Variants in DMD observed in about 807,000 individuals in gnomAD.
The protein encoded by DMD is mutant dystrophin.
DMD carries 63 observed loss-of-function variants against 330.1 expected under a neutral mutation model. The observed-to-expected ratio is 0.19, with a 90% CI of 0.16 to 0.24. The LOEUF (loss-of-function observed/expected upper bound fraction) is 0.24. Ranked by LOEUF, DMD falls within the 10% of genes least tolerant of loss-of-function variation. DMD has a pLI of 1.00. For synonymous variants in DMD, 1,223 were observed against 959.8 expected, an observed-to-expected ratio of 1.27 and a Z score of -5.07; for missense variants, 3,344 against 2,684.1, an observed-to-expected ratio of 1.25 and a Z score of -5.43.
At chrX:32,131,010 C>A (rs1160281465) in intron 44 of DMD, among the ~76,000 whole-genome samples, 1 of 111,062 alleles carries the variant, frequency 9.0e-6, no homozygotes, top group Non-Finnish European at 1.9e-5. Flanking sequence ...TATGGTGAAA[C>A]CCCATCTCTA....
intron 61 of DMD, among the ~76,000 whole-genome samples, chrX:31,345,978 G>C (rs2058058737): frequency 9.0e-6 from 1 of 111,092 alleles, no homozygotes; most frequent in African/African-American, 3.3e-5. Context: ...CAGCCAACTG[G>C]AGACACACAT....
At chrX:31,180,113 C>A (rs1292180705) in intron 69 of DMD, among the ~76,000 whole-genome samples, 1 of 111,268 alleles carries the variant, frequency 9.0e-6, no homozygotes, top group African/African-American at 3.3e-5. Flanking sequence ...TCAATACAAC[C>A]ATGCACACAG....
At position 31,488,946 on chromosome X, in the gene DMD, T is replaced by C. The variant is rs2069034081; in HGVS notation, c.8547+7842A>G. 2.7e-5 allele frequency among the ~76,000 whole-genome samples: 3 copies of C among 111,897 alleles called. No homozygotes were observed. The Admixed American group carries it at 2.8e-4, about 11-fold the overall frequency. ...AAACTATGGCCTGCAAGACCATTCATTATCTGGCCTTTCCCTCTTTCTAGA... is the reference window on the plus strand; with the variant it reads ...AAACTATGGCCTGCAAGACCATTCACTATCTGGCCTTTCCCTCTTTCTAGA... On this transcript the variant is annotated intron_variant, in intron 57 of 78. Coordinates refer to ENST00000357033, the MANE Select transcript of DMD (RefSeq NM_004006.3).
At chrX:32,002,667 T>C (rs777379633) in intron 44 of DMD, among the ~76,000 whole-genome samples, 81 of 111,123 alleles carry the variant, frequency 7.3e-4, no homozygotes, top group Middle Eastern at 4.7e-3. Flanking sequence ...GCCTGAGCTC[T>C]AGGCCTCTGG....
chrX:32,633,260 A>T (rs187288522), intron 11 of DMD, among the ~76,000 whole-genome samples: 1 of 111,595 alleles, frequency 9.0e-6, no homozygotes, highest in East Asian at 2.8e-4. Context: ...CGAGATCATC[A>T]CTCTCAAGTT....
intron 64 of DMD, among the ~76,000 whole-genome samples, chrX:31,211,969 C>A (rs144965992): frequency 9.0e-6 from 1 of 110,919 alleles, no homozygotes; most frequent in Non-Finnish European, 1.9e-5. Flanking sequence ...TCAATAGGGA[C>A]AATTTAATTG....
intron 78 of DMD, among the ~76,000 whole-genome samples, chrX:31,122,983 G>C (rs1341783418): frequency 9.0e-6 from 1 of 111,294 alleles, no homozygotes; most frequent in Non-Finnish European, 1.9e-5. Flanking sequence ...ATTGTCTTTG[G>C]AACTGAAATG....
intron 52 of DMD, among the ~76,000 whole-genome samples, chrX:31,702,520 C>T (rs915335734): frequency 8.9e-6 from 1 of 111,876 alleles, no homozygotes; most frequent in South Asian, 3.7e-4. Context: ...CAAGAAGATG[C>T]CGAGTCACTT....
chrX:32,560,426 A>G (rs773916475), intron 16 of DMD, among the ~76,000 whole-genome samples: 3 of 111,240 alleles, frequency 2.7e-5, no homozygotes, highest in Non-Finnish European at 5.7e-5. Flanking sequence ...TAATTATAAT[A>G]AATTTCTTAC....
intron 74 of DMD, among the ~76,000 whole-genome samples, chrX:31,147,871 A>G (rs1380822499): frequency 8.9e-6 from 1 of 111,945 alleles, no homozygotes; most frequent in Non-Finnish European, 1.9e-5. Flanking sequence ...TCATGAGATT[A>G]AAAATTTTAT....
chrX:31,283,017 A>G lies in DMD; in HGVS notation c.9225-22001T>C, dbSNP rs1356429414. Among the ~76,000 whole-genome samples the G allele has an allele frequency of 2.7e-5, 3 of 111,464 alleles. No homozygotes were observed. The East Asian group carries it at 8.3e-4, about 31-fold the overall frequency. ...ACTTTTTCTATGAATCAATGTGTCA[A>G]CTCATTTTTTCAACTTTTCAAACTG... On this transcript the variant is annotated intron_variant, in intron 62 of 78. Transcript: ENST00000357033.
intron 16 of DMD, among the ~76,000 whole-genome samples, chrX:32,562,065 T>C (rs73459740): frequency 1.1e-3 from 125 of 111,827 alleles, no homozygotes; most frequent in African/African-American, 3.9e-3. Context: ...CCAAGGCAAT[T>C]AGAAAAAACT....
chrX:33,305,010 G>C (rs777213555), intron 1 of DMD, among the ~76,000 whole-genome samples: 115 of 108,901 alleles, frequency 1.1e-3, no homozygotes, highest in African/African-American at 3.7e-3. Context: ...TCAGTGTGGC[G>C]ATTCCTCAGG....
intron 9 of DMD, among the ~76,000 whole-genome samples, chrX:32,645,362 AC>A (rs779444444): frequency 8.9e-6 from 1 of 112,248 alleles, no homozygotes; most frequent in Admixed American, 9.5e-5. Context: ...CAAAATCCAC[AC>A]CAAATTAATA....
chrX:32,015,678 A>G (rs963858810), intron 44 of DMD, among the ~76,000 whole-genome samples: 62 of 112,024 alleles, frequency 5.5e-4, no homozygotes, highest in African/African-American at 1.9e-3. Flanking sequence ...ACCTTATCAT[A>G]GCAGCTTCCA....
intron 17 of DMD, among the ~76,000 whole-genome samples, chrX:32,520,251 T>C (rs956576409): frequency 1.8e-5 from 2 of 112,014 alleles, no homozygotes; most frequent in Admixed American, 1.9e-4. Flanking sequence ...ACAGTACAAT[T>C]ATATGCTGTA....
At chrX:32,247,032 A>G (rs2148128762) in intron 43 of DMD, among the ~76,000 whole-genome samples, 1 of 112,031 alleles carries the variant, frequency 8.9e-6, no homozygotes, top group African/African-American at 3.2e-5. Flanking sequence ...TTTTATAGCC[A>G]TGTAGGTAAT....
intron 7 of DMD, among the ~76,000 whole-genome samples, chrX:32,746,727 T>C (rs1181073061): frequency 1.8e-5 from 2 of 111,999 alleles, no homozygotes; most frequent in African/African-American, 6.5e-5. Flanking sequence ...TCCTCTCTTC[T>C]AGCTATTTAA....
chrX:32,260,459 A>T (rs1015108322), intron 43 of DMD, among the ~76,000 whole-genome samples: 13 of 111,497 alleles, frequency 1.2e-4, no homozygotes, highest in Non-Finnish European at 1.9e-4. Context: ...CCTTGGATGA[A>T]ATTACTCTTC....
Sources: gnomAD v4.1 joint callset for allele counts (sites outside exome capture counted in the v4.1 genomes callset) on GRCh38, gnomAD v4.1.1 for gene constraint, MANE v1.5 for transcripts, NCBI Gene and HGNC (gene_info 2026-07-23, HGNC 2026-07-21) for gene names.